Variants in SORT1 observed in about 807,000 individuals in gnomAD.
SORT1 encodes the protein sortilin 1.
A neutral mutation model predicts 101.7 loss-of-function variants in SORT1; 39 were observed. The ratio of observed to expected loss-of-function variants is 0.38; its 90% CI spans 0.30 to 0.50. The LOEUF (loss-of-function observed/expected upper bound fraction) is 0.50. SORT1 is among the 20% of genes least tolerant of loss of function. The pLI, the probability that SORT1 is intolerant of heterozygous loss-of-function variation, is 0.90. For missense variants in SORT1, 878 were observed against 1,040.4 expected, an observed-to-expected ratio of 0.84 and a Z score of 2.15; for synonymous variants, 396 against 393.7, an observed-to-expected ratio of 1.01 and a Z score of -0.07.
Position 109,309,924 on chromosome 1 carries a change from A to T in SORT1, c.*4119T>A, listed in dbSNP as rs1373293327. On this transcript the variant is annotated 3_prime_UTR_variant, in exon 20 of 20. Coordinates refer to ENST00000256637, the MANE Select transcript of SORT1 (RefSeq NM_002959.7). ...AGGACCACATGCTCAGAAAGGGAAC[A>T]AGAGAGAGGGCTGAACAACAGGCAC... is the stretch of plus-strand genomic sequence containing the variant. 1 of 152,774 alleles carries T rather than the reference A, an allele frequency of 6.5e-6. No individual in the cohort carries two copies. Among genetic ancestry groups the T allele is most frequent in the East Asian group, 1.9e-4 (1 of 5,190 alleles). The allele number at this position is 152,774 out of a possible 1,614,324, so 9.5% of individuals were successfully genotyped here.
chr1:109,351,965 G>GGGGTGTGTGT (rs932648162), intron 5 of SORT1, among the ~76,000 whole-genome samples: 40 of 147,512 alleles, frequency 2.7e-4, no homozygotes, highest in African/African-American at 3.8e-4. Context: ...GAGAGGTAGG[G>GGGGTGTGTGT]GTGTGTGTGT....
Position 109,314,323 on chromosome 1 carries a change from C to G in SORT1, c.2419G>C (p.Val807Leu). The G allele has an allele frequency of 3.1e-6, 5 of 1,613,842 alleles. No individual in the cohort carries two copies. In the South Asian group the frequency reaches 5.5e-5, roughly 18 times the overall value. The change falls in exon 19 of 20, where the codon GTG (valine) becomes CTG (leucine). Residue 807 changes from valine (V) to leucine (L), a missense_variant. Physicochemically the swap from Val to Leu is conservative, Grantham distance 32 (BLOSUM62 1). This residue lies in a region of SORT1 where 684 missense variants were observed against 894.5 expected (regional missense o/e 0.76). Coordinates refer to ENST00000256637, the MANE Select transcript of SORT1 (RefSeq NM_002959.7). ...TGGGAGGCTGTGTCCAAAGCATCCA[C>G]ACCATCCACACCATTGGCCTCTGCA... ...QHAEANGVDG[V>L]DALDTASHTN...
chr1:109,346,467 C>T (rs181533873), intron 7 of SORT1, among the ~76,000 whole-genome samples: 51 of 152,120 alleles, frequency 3.4e-4, no homozygotes, highest in African/African-American at 8.9e-4. Flanking sequence ...CCACAGCAGA[C>T]GGGTGCGGTG....
intron 10 of SORT1, among the ~76,000 whole-genome samples, chr1:109,337,432 G>A (rs557156125): frequency 6.7e-4 from 102 of 151,880 alleles, no homozygotes; most frequent in South Asian, 1.9e-3. Flanking sequence ...TAGTAGAGAC[G>A]GGGTTTCACC....
At chr1:109,367,581 C>A in intron 2 of SORT1, 100 bp from the exon 3 acceptor site, 1 of 724,578 alleles carries the variant, frequency 1.4e-6, no homozygotes, top group African/African-American at 1.8e-5. Flanking sequence ...CTTTTGATAT[C>A]CCTACTTTGT....
At chr1:109,356,454 G>A (rs892272121) in intron 3 of SORT1, among the ~76,000 whole-genome samples, 10 of 152,082 alleles carry the variant, frequency 6.6e-5, no homozygotes, top group South Asian at 2.1e-4. Context: ...GAATTGAATC[G>A]ACCCTGAAGC....
chr1:109,380,919 G>A (rs942746398), intron 1 of SORT1, among the ~76,000 whole-genome samples: 2 of 151,648 alleles, frequency 1.3e-5, no homozygotes, highest in Admixed American at 6.6e-5. Context: ...TTGAGCCCAG[G>A]AAGTAGAGGT....
intron 9 of SORT1, among the ~76,000 whole-genome samples, chr1:109,341,494 T>A (rs1197741615): frequency 6.6e-6 from 1 of 151,952 alleles, no homozygotes; most frequent in Non-Finnish European, 1.5e-5. Flanking sequence ...CTATAGGTGC[T>A]CGCCACCACG....
Position 109,397,845 on chromosome 1 carries a change from A to C in SORT1, c.48T>G (p.His16Gln), listed in dbSNP as rs2100942086. The C allele has an allele frequency of 5.4e-6, 7 of 1,298,556 alleles. No individual in the cohort carries two copies. The highest frequency in any genetic ancestry group is 5.9e-6 in the Non-Finnish European group (6 of 1,012,364). The allele number at this position is 1,298,556 out of a possible 1,614,324, so 80.4% of individuals were successfully genotyped here. ...GAADGLSRWP[H>Q]GLGLLLLLQL... ...GCAGGAGGAGGAGGAGGCCGAGGCC[A>C]TGGGGCCAGCGCGAGAGGCCGTCCG... Residue 16 changes from histidine to glutamine, a missense_variant, in exon 1 of 20, where the codon CAT (histidine) becomes CAG (glutamine). Coordinates refer to ENST00000256637, the MANE Select transcript of SORT1 (RefSeq NM_002959.7).
intron 1 of SORT1, among the ~76,000 whole-genome samples, chr1:109,371,064 T>A (rs1350128478): frequency 6.6e-6 from 1 of 152,256 alleles, no homozygotes; most frequent in African/African-American, 2.4e-5. Context: ...GTACCTTTGA[T>A]GTCAAAAGAA....
chr1:109,380,550 G>A (rs933989106), intron 1 of SORT1, among the ~76,000 whole-genome samples: 4 of 151,758 alleles, frequency 2.6e-5, no homozygotes, highest in African/African-American at 9.7e-5. Flanking sequence ...ATATAGAAAG[G>A]GTTTTCAAAT....
chr1:109,365,403 G>A (rs762268848), intron 3 of SORT1, among the ~76,000 whole-genome samples: 8 of 152,088 alleles, frequency 5.3e-5, no homozygotes, highest in Non-Finnish European at 7.4e-5. Flanking sequence ...TGTGAGGAGG[G>A]AATTTATAAT....
chr1:109,397,814 GC>G lies in SORT1; in HGVS notation c.78del (p.Leu27CysfsTer30). 2 of 1,289,156 alleles carry G rather than the reference GC, an allele frequency of 1.6e-6. No individual in the cohort carries two copies. Among genetic ancestry groups the G allele is most frequent in the Non-Finnish European group, 9.9e-7 (1 of 1,008,370 alleles). The allele number at this position is 1,289,156 out of a possible 1,614,324, so 79.9% of individuals were successfully genotyped here. On this transcript the variant is annotated frameshift_variant, in exon 1 of 20. Transcript: ENST00000256637. LOFTEE classifies it high-confidence loss of function. Reference protein sequence around the residue: ...HGLGLLLLLQLLPPSTLSQDR... With the variant: ...HGLGLLLLLQXLPPSTLSQDR... ...TCCTGGCTGAGGGTCGACGGCGGCA[GC>G]AGCTGCAGGAGGAGGAGGAGGCCGA...
intron 6 of SORT1, among the ~76,000 whole-genome samples, chr1:109,347,878 A>T (rs1446328650): frequency 6.6e-6 from 1 of 152,176 alleles, no homozygotes; most frequent in Non-Finnish European, 1.5e-5. Flanking sequence ...GAGGCCAGGG[A>T]TGTTGCTACA....
intron 1 of SORT1, among the ~76,000 whole-genome samples, chr1:109,375,795 A>G (rs1339530590): frequency 1.3e-5 from 2 of 152,194 alleles, no homozygotes; most frequent in East Asian, 3.9e-4. Flanking sequence ...TGCAAGCCAG[A>G]CAGTGGAGTA....
chr1:109,331,942 T>TAA (rs1032588553), intron 11 of SORT1, among the ~76,000 whole-genome samples: 7 of 82,266 alleles, frequency 8.5e-5, no homozygotes, highest in Admixed American at 7.2e-4. Flanking sequence ...GAAAAAAACT[T>TAA]AAAAAAAAAA....
Position 109,314,778 on chromosome 1 carries a change from T to C in SORT1, c.2251A>G (p.Asn751Asp). The change falls in exon 18 of 20, where the codon AAT becomes GAT. Residue 751 changes from asparagine to aspartate, a missense_variant and splice_region_variant. This residue lies in a region of SORT1 where 684 missense variants were observed against 894.5 expected (regional missense o/e 0.76). Transcript: ENST00000256637. ...TSNFLSPEKQ[N>D]SKSNSVPIIL... The stretch of plus-strand genomic sequence containing the variant: ...ATTGGAACAGAATTTGACTTGGAAT[T>C]CTTGAGAAATTAAAACACAAACACA... 1 of 1,582,628 alleles carries C rather than the reference T, an allele frequency of 6.3e-7. No homozygotes were observed. The highest frequency in any genetic ancestry group is 8.7e-7 in the Non-Finnish European group (1 of 1,151,568).
At chr1:109,367,890 T>G (rs1414615548) in intron 2 of SORT1, among the ~76,000 whole-genome samples, 1 of 152,214 alleles carries the variant, frequency 6.6e-6, no homozygotes, top group African/African-American at 2.4e-5. Context: ...CCGTTGGTTC[T>G]TCATGAAATT....
intron 5 of SORT1, among the ~76,000 whole-genome samples, 185 bp downstream of exon 5, chr1:109,354,182 G>A (rs1650151934): frequency 6.6e-6 from 1 of 152,154 alleles, no homozygotes; most frequent in South Asian, 2.1e-4. Flanking sequence ...ACCTGGAATA[G>A]ATAGCATGTG....
Sources: gnomAD v4.1 joint callset for allele counts (sites outside exome capture counted in the v4.1 genomes callset) on GRCh38, gnomAD v4.1.1 for gene constraint, gnomAD v4.1.1 regional missense constraint, MANE v1.5 for transcripts, NCBI Gene and HGNC (gene_info 2026-07-23, HGNC 2026-07-21) for gene names.